Variants in NACA2 observed in about 807,000 individuals in gnomAD.
NACA2 encodes the protein nascent polypeptide associated complex subunit alpha 2, also known as nascent polypeptide-associated complex subunit alpha-2.
Under a neutral mutation model 15.6 loss-of-function variants are expected in NACA2, and 9 were observed. The ratio of observed to expected loss-of-function variants is 0.58; its 90% CI spans 0.35 to 1.00. The LOEUF is 1.00. Among genes scored for constraint, NACA2 ranks in the 50% least tolerant of loss-of-function variants. The probability of loss-of-function intolerance (pLI) is 0.02; values close to 1 mark genes in which losing one functional copy is unlikely to be tolerated. For synonymous variants in NACA2, 111 were observed against 100.5 expected (o/e 1.10, Z -0.62); for missense variants, 258 against 257.5 (o/e 1.00, Z -0.01).
rs770624265 is a variant in NACA2, at chr17:61,590,625, A to AC, written c.555dup (p.Ser186ValfsTer19). On this transcript the variant is annotated frameshift_variant, in exon 1 of 1. Transcript: ENST00000521764. LOFTEE classifies it high-confidence loss of function. ...TTTGCTCTCGACACATTTGCTTGTG[A>AC]CATGACCAATTTCACGTCTTTAACT... The AC allele has an allele frequency of 2.5e-6, 4 of 1,614,174 alleles. No individual in the cohort carries two copies. The highest frequency in any genetic ancestry group is 2.5e-6 in the Non-Finnish European group (3 of 1,180,036).
rs766683994 is a variant in NACA2 at position 61,590,974 on chromosome 17, C to CG, written c.206_207insC (p.Gln69HisfsTer5). 1 of 1,614,154 alleles carries CG rather than the reference C, an allele frequency of 6.2e-7. No homozygotes were observed. Among genetic ancestry groups the CG allele is most frequent in the Non-Finnish European group, 8.5e-7 (1 of 1,180,062 alleles). On this transcript the variant is annotated frameshift_variant, in exon 1 of 1. Coordinates refer to ENST00000521764, the MANE Select transcript of NACA2 (RefSeq NM_199290.4). LOFTEE classifies it high-confidence loss of function. The stretch of plus-strand genomic sequence containing the variant: ...TCCGTGCCCTCTTTTCACTCCGACT[C>CG]TGTTTTGCTTTACCGACTGGTTCTT...
rs770036930 is a variant in NACA2 at position 61,591,146 on chromosome 17, G to C, written c.35C>G (p.Thr12Arg). Residue 12 changes from threonine to arginine, a missense_variant, in exon 1 of 1, where the codon ACA becomes AGA. By Grantham distance (71) the Thr-to-Arg change is moderately conservative. Coordinates refer to ENST00000521764, the MANE Select transcript of NACA2 (RefSeq NM_199290.4). ...CTGGGACTGCGGCAACTCCTGCTCT[G>C]TAGCAGGGACGGTTTCTGTGGCTTC... is the stretch of plus-strand genomic sequence containing the variant. ...PGEATETVPA[T>R]EQELPQSQAE... 1 of 1,614,260 alleles carries C rather than the reference G, an allele frequency of 6.2e-7. No homozygotes were observed.
At position 61,590,995 on chromosome 17, in the gene NACA2, T is replaced by C. The variant is rs1603265825; in HGVS notation, c.186A>G (p.Glu62=). The change falls in exon 1 of 1, where the codon GAA becomes GAG. Residue 62 remains glutamate, a synonymous_variant. Coordinates refer to ENST00000521764, the MANE Select transcript of NACA2 (RefSeq NM_199290.4). ...GACTCTGTTTTGCTTTACCGACTGG[T>C]TCTTCATCAATTTCAGCTGCTGCCA... ...WLVAAAEIDE[E]PVGKAKQSRS... is the part of the protein sequence containing the mutation. 1 of 1,614,252 alleles carries C rather than the reference T, an allele frequency of 6.2e-7. No homozygotes were observed. The highest frequency in any genetic ancestry group is 8.5e-7 in the Non-Finnish European group (1 of 1,180,054).
Position 61,590,945 on chromosome 17 carries a change from G to C in NACA2, c.236C>G (p.Ala79Gly), listed in dbSNP as rs1283713721. 2 of 1,614,108 alleles carry C rather than the reference G, an allele frequency of 1.2e-6. No individual in the cohort carries two copies. The highest frequency in any genetic ancestry group is 2.7e-5 in the African/African-American group (2 of 74,932). ...QSRSEKRARK[A>G]MSKLGLLQVT... ...CTGTAGAAGACCCAGTTTGGACATA[G>C]CCTTCCGTGCCCTCTTTTCACTCCG... The change falls in exon 1 of 1, where the codon GCT becomes GGT. Residue 79 changes from alanine to glycine, a missense_variant. Transcript: ENST00000521764.
Position 61,591,203 on chromosome 17 carries a change from A to G in NACA2, c.-23T>C. The G allele has an allele frequency of 6.2e-7, 1 of 1,614,040 alleles. No homozygotes were observed. Among genetic ancestry groups the G allele is most frequent in the Non-Finnish European group, 8.5e-7 (1 of 1,180,052 alleles). ...CATTTTGTGCAGGGAACGCGGAAGC[A>G]AGATGGCGGCAGAAAGAGCGCGAGC... On this transcript the variant is annotated 5_prime_UTR_variant, in exon 1 of 1. Transcript: ENST00000521764.
Position 61,591,177 on chromosome 17 carries a change from G to A in NACA2, c.4C>T (p.Pro2Ser), listed in dbSNP as rs779364344. 5.6e-6 allele frequency: 9 copies of A among 1,614,198 alleles called. No individual in the cohort carries two copies. The Middle Eastern group carries it at 8.3e-4, about 148-fold the overall frequency. ...GGGACGGTTTCTGTGGCTTCGCCCGGCATTTTGTGCAGGGAACGCGGAAGC... is the reference window on the plus strand; with the variant it reads ...GGGACGGTTTCTGTGGCTTCGCCCGACATTTTGTGCAGGGAACGCGGAAGC... M[P>S]GEATETVPAT... Residue 2 changes from proline (P) to serine (S), a missense_variant, in exon 1 of 1, where the codon CCG becomes TCG. Pro to Ser is a moderately conservative substitution (Grantham distance 74, BLOSUM62 -1). Coordinates refer to ENST00000521764, the MANE Select transcript of NACA2 (RefSeq NM_199290.4).
rs1474753400 is a variant in NACA2, at chr17:61,590,725, G to T, written c.456C>A (p.Asn152Lys). The change falls in exon 1 of 1, where the codon AAC (asparagine) becomes AAA (lysine). Residue 152 changes from asparagine (N) to lysine (K), a missense_variant. By Grantham distance (94) the Asn-to-Lys change is moderately conservative. Coordinates refer to ENST00000521764, the MANE Select transcript of NACA2 (RefSeq NM_199290.4). Reference protein sequence around the residue: ...KFRVQGEAVGNIQENTQTPTV... With the variant: ...KFRVQGEAVGKIQENTQTPTV... ...TTGGAGTCTGTGTGTTTTCTTGAAT[G>T]TTTCCGACAGCTTCACCTTGAACTC... The T allele has an allele frequency of 6.2e-7, 1 of 1,614,030 alleles. No individual in the cohort carries two copies. Among genetic ancestry groups the T allele is most frequent in the Non-Finnish European group, 8.5e-7 (1 of 1,180,044 alleles).
chr17:61,591,124 G>T lies in NACA2; in HGVS notation c.57C>A (p.Ser19=), dbSNP rs758360213. 6.2e-7 allele frequency: 1 copy of T among 1,614,202 alleles called. No homozygotes were observed. Among genetic ancestry groups the T allele is most frequent in the South Asian group, 1.1e-5 (1 of 91,084 alleles). ...CTGTTCCAGACCCTGTCTCAGCCTGGGACTGCGGCAACTCCTGCTCTGTAG... is the reference window on the plus strand; with the variant it reads ...CTGTTCCAGACCCTGTCTCAGCCTGTGACTGCGGCAACTCCTGCTCTGTAG... ...VPATEQELPQ[S]QAETGSGTAS... is the part of the protein sequence containing the mutation. The change falls in exon 1 of 1, where the codon TCC becomes TCA. Residue 19 remains serine, a synonymous_variant. Coordinates refer to ENST00000521764, the MANE Select transcript of NACA2 (RefSeq NM_199290.4).
Position 61,591,213 on chromosome 17 carries a change from CAGAA to C in NACA2, c.-37_-34del, listed in dbSNP as rs2060999402. On this transcript the variant is annotated 5_prime_UTR_variant, in exon 1 of 1. Transcript: ENST00000521764. The stretch of plus-strand genomic sequence containing the variant: ...AGGGAACGCGGAAGCAAGATGGCGG[CAGAA>C]AGAGCGCGAGCGAGAGCGTGACCCA... 2 of 1,613,584 alleles carry C rather than the reference CAGAA, an allele frequency of 1.2e-6. No homozygotes were observed. Among genetic ancestry groups the C allele is most frequent in the African/African-American group, 2.7e-5 (2 of 74,928 alleles).
rs112308210 is a variant in NACA2 at position 61,591,175 on chromosome 17, C to A, written c.6G>T (p.Pro2=). Residue 2 remains proline, a synonymous_variant, in exon 1 of 1, where the codon CCG becomes CCT. Coordinates refer to ENST00000521764, the MANE Select transcript of NACA2 (RefSeq NM_199290.4). ...CAGGGACGGTTTCTGTGGCTTCGCC[C>A]GGCATTTTGTGCAGGGAACGCGGAA... The part of the protein sequence containing the change: M[P]GEATETVPAT... The A allele has an allele frequency of 1.9e-5, 31 of 1,614,196 alleles. No homozygotes were observed. In the East Asian group the frequency reaches 3.3e-4, roughly 17 times the overall value.
In NACA2 at chr17:61,590,634, A is replaced by G. The variant is rs545582415; in HGVS notation, c.547T>C (p.Leu183=). 3.7e-6 allele frequency: 6 copies of G among 1,614,140 alleles called. No individual in the cohort carries two copies. The highest frequency in any genetic ancestry group is 2.7e-5 in the African/African-American group (2 of 75,040). ...GACACATTTGCTTGTGACATGACCA[A>G]TTTCACGTCTTTAACTTCTACACCT... is the stretch of plus-strand genomic sequence containing the variant. The part of the protein sequence containing the change: ...ETGVEVKDVK[L]VMSQANVSRA... The change falls in exon 1 of 1, where the codon TTG becomes CTG. Residue 183 remains leucine (L), a synonymous_variant. Coordinates refer to ENST00000521764, the MANE Select transcript of NACA2 (RefSeq NM_199290.4).
At position 61,590,974 on chromosome 17, in the gene NACA2, C is replaced by CT; in HGVS notation, c.206dup (p.Ser70GlufsTer4). The stretch of plus-strand genomic sequence containing the variant: ...TCCGTGCCCTCTTTTCACTCCGACT[C>CT]TGTTTTGCTTTACCGACTGGTTCTT... On this transcript the variant is annotated frameshift_variant, in exon 1 of 1. Coordinates refer to ENST00000521764, the MANE Select transcript of NACA2 (RefSeq NM_199290.4). LOFTEE classifies it high-confidence loss of function. 1.2e-6 allele frequency: 2 copies of CT among 1,614,272 alleles called. No homozygotes were observed. The highest frequency in any genetic ancestry group is 1.1e-5 in the South Asian group (1 of 91,092).
In NACA2 at chr17:61,590,660, G is replaced by C. The variant is rs61739273; in HGVS notation, c.521C>G (p.Thr174Arg). The stretch of plus-strand genomic sequence containing the variant: ...TTTCACGTCTTTAACTTCTACACCT[G>C]TTTCATCGACCTCTTCCTCTTCACT... The part of the protein sequence containing the change: ...EESEEEEVDE[T>R]GVEVKDVKLV... The change falls in exon 1 of 1, where the codon ACA (threonine) becomes AGA (arginine). Residue 174 changes from threonine to arginine, a missense_variant. Coordinates refer to ENST00000521764, the MANE Select transcript of NACA2 (RefSeq NM_199290.4). 244,583 of 1,613,906 alleles carry C rather than the reference G, an allele frequency of 0.15. 20,172 individuals carry two copies. The highest frequency in any genetic ancestry group is 0.27 in the South Asian group (24,987 of 91,068).
Position 61,590,562 on chromosome 17 carries a change from C to G in NACA2, c.619G>C (p.Val207Leu). 1 of 1,614,218 alleles carries G rather than the reference C, an allele frequency of 6.2e-7. No homozygotes were observed. The change falls in exon 1 of 1, where the codon GTA becomes CTA. Residue 207 changes from valine (V) to leucine (L), a missense_variant. By Grantham distance (32) the Val-to-Leu change is conservative (BLOSUM62 1). Coordinates refer to ENST00000521764, the MANE Select transcript of NACA2 (RefSeq NM_199290.4). The part of the protein sequence containing the change: ...RALKNNSNDI[V>L]NAIMELTV ...ACTGTTAATTCCATAATCGCATTTA[C>G]AATATCATTACTGTTGTTCTTCAGA...
chr17:61,590,812 A>G lies in NACA2; in HGVS notation c.369T>C (p.Phe123=). The change falls in exon 1 of 1, where the codon TTT becomes TTC. Residue 123 remains phenylalanine (F), a synonymous_variant. Transcript: ENST00000521764. ...ATAAATCTTGGATCTTGGCTTCCCC[A>G]AAAACTATGTAGGCATCCGAAGCAG... is the stretch of plus-strand genomic sequence containing the variant. ...KSPASDAYIV[F]GEAKIQDLSQ... 6.2e-7 allele frequency: 1 copy of G among 1,614,204 alleles called. No individual in the cohort carries two copies. Among genetic ancestry groups the G allele is most frequent in the Non-Finnish European group, 8.5e-7 (1 of 1,180,038 alleles).
At position 61,591,188 on chromosome 17, in the gene NACA2, A is replaced by T. The variant is rs975290377; in HGVS notation, c.-8T>A. The T allele has an allele frequency of 1.2e-6, 2 of 1,614,076 alleles. No homozygotes were observed. Among genetic ancestry groups the T allele is most frequent in the East Asian group, 4.5e-5 (2 of 44,896 alleles). The stretch of plus-strand genomic sequence containing the variant: ...TGTGGCTTCGCCCGGCATTTTGTGC[A>T]GGGAACGCGGAAGCAAGATGGCGGC... On this transcript the variant is annotated 5_prime_UTR_variant, in exon 1 of 1. Coordinates refer to ENST00000521764, the MANE Select transcript of NACA2 (RefSeq NM_199290.4).
rs777265044 is a variant in NACA2, at chr17:61,590,835, C to G, written c.346G>C (p.Ala116Pro). Residue 116 changes from alanine to proline, a missense_variant, in exon 1 of 1, where the codon GCT (alanine) becomes CCT (proline). By Grantham distance (27) the Ala-to-Pro change is conservative (BLOSUM62 -1). Coordinates refer to ENST00000521764, the MANE Select transcript of NACA2 (RefSeq NM_199290.4). ...CCAAAAACTATGTAGGCATCCGAAGCAGGGCTCTTGTAGACGTCCAGTTTT... is the reference window on the plus strand; with the variant it reads ...CCAAAAACTATGTAGGCATCCGAAGGAGGGCTCTTGTAGACGTCCAGTTTT... The part of the protein sequence containing the change: ...ITKLDVYKSP[A>P]SDAYIVFGEA... The G allele has an allele frequency of 6.2e-7, 1 of 1,614,072 alleles. No homozygotes were observed. Among genetic ancestry groups the G allele is most frequent in the Admixed American group, 1.7e-5 (1 of 60,018 alleles).
rs368930494 is a variant in NACA2 at position 61,591,132 on chromosome 17, G to A, written c.49C>T (p.Pro17Ser). The change falls in exon 1 of 1, where the codon CCG becomes TCG. Residue 17 changes from proline (P) to serine (S), a missense_variant. Coordinates refer to ENST00000521764, the MANE Select transcript of NACA2 (RefSeq NM_199290.4). ...ETVPATEQEL[P>S]QSQAETGSGT... ...GACCCTGTCTCAGCCTGGGACTGCG[G>A]CAACTCCTGCTCTGTAGCAGGGACG... The A allele has an allele frequency of 6.2e-6, 10 of 1,614,234 alleles. No individual in the cohort carries two copies. Among genetic ancestry groups the A allele is most frequent in the Non-Finnish European group, 8.5e-6 (10 of 1,180,052 alleles).
In NACA2 at chr17:61,590,796, G is replaced by T. The variant is rs777652134; in HGVS notation, c.385C>A (p.Gln129Lys). ...AYIVFGEAKI[Q>K]DLSQQAQLAA... Reference sequence around the variant, plus strand: ...AGTTGTGCTTGCTGAGATAAATCTTGGATCTTGGCTTCCCCAAAAACTATG... The same window carrying T: ...AGTTGTGCTTGCTGAGATAAATCTTTGATCTTGGCTTCCCCAAAAACTATG... The change falls in exon 1 of 1, where the codon CAA becomes AAA. Residue 129 changes from glutamine to lysine, a missense_variant. Gln to Lys is a moderately conservative substitution (Grantham distance 53). Coordinates refer to ENST00000521764, the MANE Select transcript of NACA2 (RefSeq NM_199290.4). 8.1e-6 allele frequency: 13 copies of T among 1,614,064 alleles called. No homozygotes were observed. In the East Asian group the frequency reaches 2.9e-4, roughly 36 times the overall value.
Sources: gnomAD v4.1 joint callset for allele counts on GRCh38, gnomAD v4.1.1 for gene constraint, MANE v1.5 for transcripts, NCBI Gene and HGNC (gene_info 2026-07-23, HGNC 2026-07-21) for gene names.